NEBL: variants seen among roughly 807,000 people sequenced by gnomAD.
NEBL encodes nebulette.
Under a neutral mutation model 140.2 loss-of-function variants are expected in NEBL, and 122 were observed. The ratio of observed to expected loss-of-function variants is 0.87; its 90% CI spans 0.75 to 1.01. NEBL has a LOEUF of 1.01. NEBL is among the 50% of genes least tolerant of loss of function. NEBL has a pLI of 0.00. For synonymous variants in NEBL, 436 were observed against 398.9 expected, an observed-to-expected ratio of 1.09 and a Z score of -1.11; for missense variants, 1,365 against 1,231.3, an observed-to-expected ratio of 1.11 and a Z score of -1.62.
intron 2 of NEBL, among the ~76,000 whole-genome samples, chr10:21,135,586 G>A (rs958672444): frequency 2.0e-5 from 3 of 152,162 alleles, no homozygotes; most frequent in Non-Finnish European, 2.9e-5. Context: ...ACTGAAAAGC[G>A]CTTTTCTGCT....
intron 10 of NEBL, among the ~76,000 whole-genome samples, chr10:20,850,773 A>T (rs1842430920): frequency 6.6e-6 from 1 of 152,236 alleles, no homozygotes; most frequent in Admixed American, 6.5e-5. Flanking sequence ...AATGGCTGGA[A>T]TATATAGATA....
intron 3 of NEBL, among the ~76,000 whole-genome samples, chr10:21,006,072 C>A (rs778354752): frequency 6.6e-6 from 1 of 152,188 alleles, no homozygotes; most frequent in Non-Finnish European, 1.5e-5. Context: ...CTGAGCAACA[C>A]TTCACAGGCA....
intron 9 of NEBL, among the ~76,000 whole-genome samples, chr10:20,854,527 C>G (rs1842856215): frequency 6.6e-6 from 1 of 151,798 alleles, no homozygotes; most frequent in Non-Finnish European, 1.5e-5. Flanking sequence ...AGGAAAGCAC[C>G]CCCCAGGAAG....
rs575123630 is a variant in NEBL at position 20,851,104 on chromosome 10, G to A, written c.1009-602C>T. ...TACAGTCTAATCCTCATCTTACTTC[G>A]GTTTATAAAATGAGTGATATTTTTT... is the stretch of plus-strand genomic sequence containing the variant. On this transcript the variant is annotated intron_variant, in intron 10 of 27. Transcript: ENST00000377122. Among the ~76,000 whole-genome samples the A allele has an allele frequency of 9.2e-4, 140 of 151,818 alleles. 3 individuals are homozygous for A. In the South Asian group the frequency reaches 0.025, roughly 28 times the overall value.
At chr10:21,249,206 G>T (rs1461903945) in intron 2 of NEBL, among the ~76,000 whole-genome samples, 1 of 151,856 alleles carries the variant, frequency 6.6e-6, no homozygotes, top group Non-Finnish European at 1.5e-5. Context: ...TTTTTTAATT[G>T]GGTTGTTTGG....
In NEBL at chr10:20,823,318, A is replaced by C. The variant is rs758535326; in HGVS notation, c.1870-18T>G. The C allele has an allele frequency of 2.6e-6, 4 of 1,545,220 alleles. No homozygotes were observed. The highest frequency in any genetic ancestry group is 2.3e-5 in the East Asian group (1 of 44,330). ...TATTTCACCTGCATAATTTATAAGA[A>C]TATAACGTTAACTTTATTCTATGCA... On this transcript the variant is annotated intron_variant, in intron 18 of 27. Transcript: ENST00000377122.
At chr10:20,937,118 C>G (rs1380203506) in intron 4 of NEBL, among the ~76,000 whole-genome samples, 1 of 152,182 alleles carries the variant, frequency 6.6e-6, no homozygotes, top group Non-Finnish European at 1.5e-5. Flanking sequence ...TACATGAGGG[C>G]ACACAGACTT....
chr10:21,262,673 G>A (rs553623941), intron 1 of NEBL, among the ~76,000 whole-genome samples: 1 of 152,274 alleles, frequency 6.6e-6, no homozygotes, highest in Non-Finnish European at 1.5e-5. Flanking sequence ...ATTTCCAAGA[G>A]AAGGCCAGGC....
At chr10:20,831,695 CTTAT>C in intron 14 of NEBL, 112 bp from the exon 15 acceptor site, 1 of 718,630 alleles carries the variant, frequency 1.4e-6, no homozygotes, top group South Asian at 1.6e-5. Flanking sequence ...AAGTTGAATC[CTTAT>C]TTCTTTTATT....
chr10:21,282,852 C>A (rs1057432935), intron 1 of NEBL, among the ~76,000 whole-genome samples: 1 of 152,076 alleles, frequency 6.6e-6, no homozygotes, highest in African/African-American at 2.4e-5. Flanking sequence ...AGGCAGGGCG[C>A]AGTGGCTCAC....
intron 2 of NEBL, among the ~76,000 whole-genome samples, chr10:21,058,108 A>G (rs1318524835): frequency 6.6e-6 from 1 of 152,204 alleles, no homozygotes; most frequent in African/African-American, 2.4e-5. Context: ...ACTAACAGCT[A>G]CTATCAATGT....
chr10:21,204,999 A>G (rs1437783683), intron 3 of NEBL, among the ~76,000 whole-genome samples: 1 of 152,130 alleles, frequency 6.6e-6, no homozygotes, highest in Non-Finnish European at 1.5e-5. Context: ...AAGAGCTACT[A>G]TTTCATAAAC....
chr10:21,029,179 A>C lies in NEBL; in HGVS notation c.165-8978T>G, dbSNP rs568709279. On this transcript the variant is annotated intron_variant, in intron 2 of 6. Transcript: ENST00000417816. Reference sequence around the variant, plus strand: ...AACGATTTGACACAGTAATGATAACAATGTGTATAGGGCGCCTCCAATTGA... The same window carrying C: ...AACGATTTGACACAGTAATGATAACCATGTGTATAGGGCGCCTCCAATTGA... 1,394 of 1,367,668 alleles carry C rather than the reference A, an allele frequency of 1.0e-3. 2 individuals are homozygous for C. The highest frequency in any genetic ancestry group is 1.0e-3 in the Non-Finnish European group (989 of 960,620). 84.7% of individuals were successfully genotyped at this position (1,367,668 alleles called of 1,614,324 possible). A position where few individuals can be genotyped will look rare whatever the true frequency, so the allele number is the denominator to read the frequency against.
In NEBL at chr10:20,826,490, G is replaced by C. The variant is rs942030467; in HGVS notation, c.1826C>G (p.Pro609Arg). 1.2e-6 allele frequency: 2 copies of C among 1,612,852 alleles called. No homozygotes were observed. Among genetic ancestry groups the C allele is most frequent in the African/African-American group, 1.3e-5 (1 of 74,934 alleles). ...VGAGTAVKDSPEIERVKKNQQ... is the reference protein window; with the variant it reads ...VGAGTAVKDSREIERVKKNQQ... ...ATTTTTCTTCACTCGTTCGATCTCT[G>C]GGCTATCTTTCACTGCAGTGCCAGC... Residue 609 changes from proline (P) to arginine (R), a missense_variant, in exon 18 of 28, where the codon CCA becomes CGA. Physicochemically the swap from Pro to Arg is moderately radical, Grantham distance 103 (BLOSUM62 -2). Around this residue, in one of 2 missense-constraint regions of NEBL, gnomAD observed 1,323 missense variants for 1,154.8 expected, o/e 1.15. Transcript: ENST00000377122.
intron 2 of NEBL, among the ~76,000 whole-genome samples, chr10:21,134,749 C>T (rs774313247): frequency 2.1e-4 from 32 of 152,164 alleles, no homozygotes; most frequent in African/African-American, 7.2e-4. Context: ...GATGGGGAAA[C>T]CTTCTGGGAT....
chr10:21,059,319 T>C (rs557404240), intron 2 of NEBL, among the ~76,000 whole-genome samples: 10 of 152,394 alleles, frequency 6.6e-5, no homozygotes, highest in African/African-American at 2.2e-4. Context: ...TGTTGGATGC[T>C]GAGTGAAAGT....
chr10:21,141,258 G>C (rs1035320562), intron 2 of NEBL, among the ~76,000 whole-genome samples: 2 of 152,140 alleles, frequency 1.3e-5, no homozygotes, highest in East Asian at 3.8e-4. Flanking sequence ...TAATATGACA[G>C]TATCAATGTT....
At chr10:20,913,749 G>T (rs1009045503) in intron 4 of NEBL, among the ~76,000 whole-genome samples, 1 of 152,014 alleles carries the variant, frequency 6.6e-6, no homozygotes, top group Non-Finnish European at 1.5e-5. Context: ...CTGCATTCTT[G>T]GGTTAAATAC....
chr10:21,144,916 G>T (rs1453440258), intron 2 of NEBL, among the ~76,000 whole-genome samples: 2 of 143,308 alleles, frequency 1.4e-5, no homozygotes, highest in African/African-American at 5.2e-5. Context: ...AAATGAAAAA[G>T]TATTAAACAT....
Sources: allele counts gnomAD v4.1 joint callset (sites outside exome capture counted in the v4.1 genomes callset), GRCh38; gene constraint gnomAD v4.1.1; regional missense constraint gnomAD v4.1.1; transcripts MANE v1.5; gene names NCBI Gene and HGNC (gene_info 2026-07-23, HGNC 2026-07-21).